Variants in ATP8A2 observed in about 807,000 individuals in gnomAD.
ATP8A2 encodes phospholipid-transporting ATPase IB.
A neutral mutation model predicts 165.6 loss-of-function variants in ATP8A2; 100 were observed. The ratio of observed to expected loss-of-function variants is 0.60; its 90% CI spans 0.51 to 0.71. The LOEUF (loss-of-function observed/expected upper bound fraction) is 0.71, where lower values mean the gene tolerates loss of function less well. Ranked by LOEUF, ATP8A2 falls within the 30% of genes least tolerant of loss-of-function variation. The pLI, the probability that ATP8A2 is intolerant of heterozygous loss-of-function variation, is 0.00. For synonymous variants in ATP8A2, 543 were observed against 548.8 expected (o/e 0.99, Z 0.15); for missense variants, 1,227 against 1,479.5 (o/e 0.83, Z 2.80).
chr13:25,671,551 C>T (rs1444744290), intron 24 of ATP8A2, among the ~76,000 whole-genome samples: 1 of 152,170 alleles, frequency 6.6e-6, no homozygotes, highest in Non-Finnish European at 1.5e-5. Context: ...GGTCTCTAAA[C>T]TGGCCCCCCT....
Position 25,769,061 on chromosome 13 carries a change from G to A in ATP8A2, c.2400G>A (p.Gln800=). The A allele has an allele frequency of 6.2e-7, 1 of 1,614,182 alleles. No homozygotes were observed. Among genetic ancestry groups the A allele is most frequent in the East Asian group, 2.2e-5 (1 of 44,870 alleles). Residue 800 remains glutamine, a synonymous_variant, in exon 26 of 37, where the codon CAG becomes CAA. Coordinates refer to ENST00000381655, the MANE Select transcript of ATP8A2 (RefSeq NM_016529.6). ...TTTCTCACAGAGTGTCTCCTCTGCA[G>A]AAGTCTGAGATAGTGGATGTGGTGA... ...AVICCRVSPL[Q]KSEIVDVVKK...
chr13:25,803,810 T>C (rs1185801957), intron 27 of ATP8A2, among the ~76,000 whole-genome samples: 3 of 152,256 alleles, frequency 2.0e-5, no homozygotes, highest in Non-Finnish European at 4.4e-5. Flanking sequence ...GAAGTGGTGC[T>C]TAGTACTATG....
chr13:25,865,951 C>T (rs978656897), intron 33 of ATP8A2, among the ~76,000 whole-genome samples: 2 of 151,884 alleles, frequency 1.3e-5, no homozygotes, highest in African/African-American at 4.8e-5. Flanking sequence ...TTTTCTTTTC[C>T]CCAGTAGAAT....
chr13:25,857,695 T>TAG (rs1952214188), intron 30 of ATP8A2, among the ~76,000 whole-genome samples: 1 of 150,610 alleles, frequency 6.6e-6, no homozygotes, highest in Non-Finnish European at 1.5e-5. Flanking sequence ...CTCAGCCTCC[T>TAG]GAGTAGCTGG....
At chr13:25,603,573 G>C (rs1593628411) in intron 24 of ATP8A2, among the ~76,000 whole-genome samples, 2 of 152,226 alleles carry the variant, frequency 1.3e-5, no homozygotes, top group Admixed American at 6.5e-5. Context: ...AGCCCACCTA[G>C]TAGCTGGGGA....
chr13:26,015,910 A>G (rs1427646113), intron 36 of ATP8A2, among the ~76,000 whole-genome samples: 3 of 152,196 alleles, frequency 2.0e-5, no homozygotes, highest in African/African-American at 7.2e-5. Context: ...TGCAAATGAC[A>G]GTTAAAGGTT....
intron 33 of ATP8A2, among the ~76,000 whole-genome samples, chr13:25,914,834 C>T (rs1415433546): frequency 6.6e-6 from 1 of 152,220 alleles, no homozygotes; most frequent in Non-Finnish European, 1.5e-5. Flanking sequence ...TTAACTCCAC[C>T]TCTTGACTCC....
chr13:25,740,798 G>C (rs2043895013), intron 25 of ATP8A2, among the ~76,000 whole-genome samples: 1 of 152,224 alleles, frequency 6.6e-6, no homozygotes, highest in Non-Finnish European at 1.5e-5. Context: ...ATTAAGGTCT[G>C]ACTGGGTTAG....
chr13:25,811,997 C>T (rs1950885129), intron 27 of ATP8A2, among the ~76,000 whole-genome samples: 1 of 152,198 alleles, frequency 6.6e-6, no homozygotes, highest in Non-Finnish European at 1.5e-5. Context: ...GGATTTCCCT[C>T]TCTACATTAC....
At chr13:25,885,420 T>C (rs557136646) in intron 33 of ATP8A2, among the ~76,000 whole-genome samples, 20 of 152,056 alleles carry the variant, frequency 1.3e-4, no homozygotes, top group Non-Finnish European at 2.8e-4. Context: ...GCCCGCTTGC[T>C]TCTTTTCTCT....
At chr13:25,515,541 T>A (rs527881546) in intron 2 of ATP8A2, among the ~76,000 whole-genome samples, 5 of 152,356 alleles carry the variant, frequency 3.3e-5, no homozygotes, top group African/African-American at 1.2e-4. Flanking sequence ...CATGTTCAAC[T>A]TGTCTGGCGA....
chr13:25,644,596 AT>A (rs2041622399), intron 24 of ATP8A2, among the ~76,000 whole-genome samples: 1 of 145,248 alleles, frequency 6.9e-6, no homozygotes. Context: ...TTCCTCTTTT[AT>A]TTTTTTTGAA....
intron 24 of ATP8A2, among the ~76,000 whole-genome samples, chr13:25,650,003 A>G (rs1427905250): frequency 6.6e-6 from 1 of 152,020 alleles, no homozygotes; most frequent in East Asian, 1.9e-4. Flanking sequence ...TTGAGGTGAG[A>G]CCAGAGTGGA....
chr13:25,983,648 T>A (rs1191514728), intron 35 of ATP8A2, among the ~76,000 whole-genome samples: 1 of 152,180 alleles, frequency 6.6e-6, no homozygotes, highest in Non-Finnish European at 1.5e-5. Flanking sequence ...CAGGCATGGT[T>A]CCTTTCTTGT....
intron 30 of ATP8A2, among the ~76,000 whole-genome samples, chr13:25,842,807 G>T (rs1264048409): frequency 2.0e-5 from 3 of 152,036 alleles, no homozygotes; most frequent in Admixed American, 2.0e-4. Flanking sequence ...AAAGAAACTG[G>T]GACTTAACTG....
intron 26 of ATP8A2, among the ~76,000 whole-genome samples, chr13:25,771,974 C>T (rs1329673200): frequency 1.3e-5 from 2 of 152,164 alleles, no homozygotes; most frequent in Non-Finnish European, 2.9e-5. Context: ...GAAGTACCCT[C>T]AGGGTTATTA....
intron 24 of ATP8A2, among the ~76,000 whole-genome samples, chr13:25,641,750 CTACTT>C (rs2041527936): frequency 6.6e-6 from 1 of 151,952 alleles, no homozygotes; most frequent in African/African-American, 2.4e-5. Context: ...TTGGAAAAAA[CTACTT>C]TAAAGTTCAT....
intron 6 of ATP8A2, 99 bp downstream of exon 6, chr13:25,533,412 TAG>T (rs1178358545): frequency 1.4e-6 from 1 of 690,564 alleles, no homozygotes; most frequent in East Asian, 2.8e-5. Context: ...TTAGACACAG[TAG>T]AGTTTTCCAT....
At chr13:26,008,814 C>CAA in intron 35 of ATP8A2, among the ~76,000 whole-genome samples, 1 of 152,204 alleles carries the variant, frequency 6.6e-6, no homozygotes, top group Middle Eastern at 3.4e-3. Flanking sequence ...GAAGTGTTTG[C>CAA]ATTATTGAAG....
Sources: allele counts gnomAD v4.1 joint callset (sites outside exome capture counted in the v4.1 genomes callset), GRCh38; gene constraint gnomAD v4.1.1; transcripts MANE v1.5; gene names NCBI Gene and HGNC (gene_info 2026-07-23, HGNC 2026-07-21).